The following MYO9B variants were observed in gnomAD, a reference collection of about 807,000 sequenced individuals.
MYO9B encodes unconventional myosin-IXb.
Under a neutral mutation model 229.5 loss-of-function variants are expected in MYO9B, and 71 were observed. The observed-to-expected ratio is 0.31, with a 90% confidence interval of 0.26 to 0.38. The LOEUF (loss-of-function observed/expected upper bound fraction) is 0.38. Among genes scored for constraint, MYO9B ranks in the 10% least tolerant of loss-of-function variants. The pLI is 1.00. For missense variants in MYO9B, 2,255 were observed against 2,920.5 expected, an observed-to-expected ratio of 0.77 and a Z score of 5.25; for synonymous variants, 1,185 against 1,235.8, an observed-to-expected ratio of 0.96 and a Z score of 0.86.
intron 13 of MYO9B, among the ~76,000 whole-genome samples, chr19:17,174,939 AAT>A (rs1491010416): frequency 7.8e-6 from 1 of 128,586 alleles, no homozygotes; most frequent in East Asian, 2.2e-4. Flanking sequence ...GTCTCAAAAA[AAT>A]AAATAAATAA....
chr19:17,086,609 A>C (rs1003705484), intron 1 of MYO9B, among the ~76,000 whole-genome samples: 1 of 152,142 alleles, frequency 6.6e-6, no homozygotes, highest in Non-Finnish European at 1.5e-5. Flanking sequence ...GCCAGGTGCA[A>C]TGGCTCACGC....
At chr19:17,091,770 C>G (rs778434141) in intron 1 of MYO9B, among the ~76,000 whole-genome samples, 8 of 152,182 alleles carry the variant, frequency 5.3e-5, no homozygotes, top group South Asian at 2.1e-4. Context: ...AGGGCTACCC[C>G]CTTCCCTGCA....
intron 2 of MYO9B, among the ~76,000 whole-genome samples, chr19:17,142,880 A>G (rs934113950): frequency 1.3e-5 from 2 of 152,178 alleles, no homozygotes; most frequent in South Asian, 2.1e-4. Flanking sequence ...GGCTTACCCT[A>G]TCAGATGAAT....
At chr19:17,091,631 A>T (rs917090889) in intron 1 of MYO9B, among the ~76,000 whole-genome samples, 1 of 152,148 alleles carries the variant, frequency 6.6e-6, no homozygotes, top group Non-Finnish European at 1.5e-5. Context: ...GGACAGGCCC[A>T]TGGTCCCACC....
intron 2 of MYO9B, among the ~76,000 whole-genome samples, chr19:17,130,788 A>G (rs1245048759): frequency 6.7e-6 from 1 of 150,142 alleles, no homozygotes; most frequent in Non-Finnish European, 1.5e-5. Flanking sequence ...AAAAAAAAAA[A>G]TCTAGAATTT....
At position 17,195,329 on chromosome 19, in the gene MYO9B, T is replaced by C. The variant is rs781522926; in HGVS notation, c.3902T>C (p.Leu1301Pro). 3.7e-5 allele frequency: 60 copies of C among 1,612,374 alleles called. No homozygotes were observed. Among genetic ancestry groups the C allele is most frequent in the Admixed American group, 5.0e-5 (3 of 59,968 alleles). ...PGGSTQIQRY[L>P]DAERLASAVE... Reference sequence around the variant, plus strand: ...GGCTCCACGCAGATCCAGCGGTACCTGGACGCCGAGCGGCTGGCCAGCGCC... The same window carrying C: ...GGCTCCACGCAGATCCAGCGGTACCCGGACGCCGAGCGGCTGGCCAGCGCC... The change falls in exon 22 of 40, where the codon CTG (leucine) becomes CCG (proline). Residue 1301 changes from leucine (L) to proline (P), a missense_variant. Leu to Pro is a moderately conservative substitution (Grantham distance 98, BLOSUM62 -3). This residue lies in a region of MYO9B where 679 missense variants were observed against 770.2 expected (regional missense o/e 0.88). Coordinates refer to ENST00000682292, the MANE Select transcript of MYO9B (RefSeq NM_004145.4). The surrounding 1 kb of genome is among the most constrained non-coding windows in gnomAD (Gnocchi z 4.5).
Position 17,163,037 on chromosome 19 carries a change from G to C in MYO9B, c.1586G>C (p.Arg529Thr). The C allele has an allele frequency of 6.2e-7, 1 of 1,605,842 alleles. No individual in the cohort carries two copies. The highest frequency in any genetic ancestry group is 8.5e-7 in the Non-Finnish European group (1 of 1,176,220). The change falls in exon 10 of 40, where the codon AGG becomes ACG. Residue 529 changes from arginine (R) to threonine (T), a missense_variant. By Grantham distance (71) the Arg-to-Thr change is moderately conservative (BLOSUM62 -1). This residue lies in a region of MYO9B where 220 missense variants were observed against 404.5 expected (regional missense o/e 0.54). Coordinates refer to ENST00000682292, the MANE Select transcript of MYO9B (RefSeq NM_004145.4). ...ATCTTCGGGTTTGAAGACTTCGAGA[G>C]GAACAGCTTTGAGCAGTTCTGCATC... ...LDIFGFEDFERNSFEQFCINY... is the reference protein window; with the variant it reads ...LDIFGFEDFETNSFEQFCINY...
At chr19:17,080,407 C>T (rs916646695) in intron 1 of MYO9B, among the ~76,000 whole-genome samples, 2 of 152,156 alleles carry the variant, frequency 1.3e-5, no homozygotes, top group Admixed American at 1.3e-4. Flanking sequence ...AGAATCTGTT[C>T]CACGCCTCTC....
chr19:17,209,038 T>G (rs897195403), intron 35 of MYO9B, among the ~76,000 whole-genome samples: 1 of 151,920 alleles, frequency 6.6e-6, no homozygotes, highest in Non-Finnish European at 1.5e-5. Flanking sequence ...TTCTGACCAC[T>G]CCAAGCTGAG....
At chr19:17,210,471 A>G (rs1200923547) in intron 37 of MYO9B, 91 bp downstream of exon 37, 5 of 1,416,450 alleles carry the variant, frequency 3.5e-6, no homozygotes, top group African/African-American at 1.4e-5. Flanking sequence ...CGTAGGATAG[A>G]CAGAGCCTGT....
chr19:17,117,032 G>A (rs2057911401), intron 2 of MYO9B, among the ~76,000 whole-genome samples: 1 of 152,182 alleles, frequency 6.6e-6, no homozygotes. Context: ...ACCATAAAAA[G>A]GTCTCCTTGG....
chr19:17,192,939 C>T lies in MYO9B; in HGVS notation c.3005C>T (p.Thr1002Met), dbSNP rs1237355706. The change falls in exon 21 of 40, where the codon ACG (threonine) becomes ATG (methionine). Residue 1002 changes from threonine to methionine, a missense_variant. Physicochemically the swap from Thr to Met is moderately conservative, Grantham distance 81 (BLOSUM62 -1). Around this residue, in one of 7 missense-constraint regions of MYO9B, gnomAD observed 679 missense variants for 770.2 expected, o/e 0.88. Transcript: ENST00000682292. ...SYRVRRALER[T>M]QAAVYLQASW... ...CGGGTCCGGAGGGCGCTGGAGAGGACGCAGGCTGCCGTGTACCTCCAGGCC... is the reference window on the plus strand; with the variant it reads ...CGGGTCCGGAGGGCGCTGGAGAGGATGCAGGCTGCCGTGTACCTCCAGGCC... 2.6e-6 allele frequency: 4 copies of T among 1,544,880 alleles called. No homozygotes were observed. Among genetic ancestry groups the T allele is most frequent in the South Asian group, 1.2e-5 (1 of 83,880 alleles).
chr19:17,210,300 C>A, intron 36 of MYO9B, 33 bp from the exon 37 acceptor site: 1 of 1,567,486 alleles, frequency 6.4e-7, no homozygotes, highest in East Asian at 2.3e-5. Context: ...TGTCTTGGCC[C>A]GTGTGGTCAC....
intron 15 of MYO9B, among the ~76,000 whole-genome samples, chr19:17,181,927 C>T (rs1241214143): frequency 6.6e-6 from 1 of 152,062 alleles, no homozygotes; most frequent in Non-Finnish European, 1.5e-5. Context: ...TAACACCTGC[C>T]ACTACTTCCA....
intron 3 of MYO9B, among the ~76,000 whole-genome samples, chr19:17,148,308 C>T (rs2072438249): frequency 6.6e-6 from 1 of 152,222 alleles, no homozygotes; most frequent in Non-Finnish European, 1.5e-5. Flanking sequence ...CGCATGGGCA[C>T]CGCCCCCTTT....
intron 15 of MYO9B, among the ~76,000 whole-genome samples, chr19:17,183,378 A>C (rs574461184): frequency 2.5e-3 from 378 of 152,260 alleles, no homozygotes; most frequent in African/African-American, 8.5e-3. Context: ...CACATGGCAA[A>C]GACAGCCTGG....
chr19:17,192,239 G>T (rs1331597639), intron 20 of MYO9B, among the ~76,000 whole-genome samples: 1 of 150,774 alleles, frequency 6.6e-6, no homozygotes, highest in Admixed American at 6.6e-5. Context: ...GTTGCAGTGA[G>T]CTGAGATCGG....
chr19:17,147,902 G>C (rs894094990), intron 3 of MYO9B, among the ~76,000 whole-genome samples: 1 of 150,850 alleles, frequency 6.6e-6, no homozygotes, highest in African/African-American at 2.4e-5. Context: ...GGCTGGTCTC[G>C]AACTCCCGAC....
rs544573565 is a variant in MYO9B, at chr19:17,120,440, T to C, written c.840+17883T>C. Among the ~76,000 whole-genome samples the C allele has an allele frequency of 1.5e-3, 232 of 152,086 alleles. 3 individuals carry two copies. Among genetic ancestry groups the C allele is most frequent in the Admixed American group, 0.015 (222 of 15,260 alleles). The stretch of plus-strand genomic sequence containing the variant: ...GGAAGATTGCTTGAGGCCAGGAGTT[T>C]GAAACCACCCTGGGCAACATAGTGA... On this transcript the variant is annotated intron_variant, in intron 2 of 39. Coordinates refer to ENST00000682292, the MANE Select transcript of MYO9B (RefSeq NM_004145.4).
Sources: allele counts gnomAD v4.1 joint callset (sites outside exome capture counted in the v4.1 genomes callset), GRCh38; gene constraint gnomAD v4.1.1; regional missense constraint gnomAD v4.1.1; non-coding constraint Gnocchi (gnomAD v3.1); transcripts MANE v1.5; gene names NCBI Gene and HGNC (gene_info 2026-07-23, HGNC 2026-07-21).